SNX24: variants seen among roughly 807,000 people sequenced by gnomAD.
The protein encoded by SNX24 is sorting nexin 24.
Under a neutral mutation model 28.7 loss-of-function variants are expected in SNX24, and 22 were observed. The ratio of observed to expected loss-of-function variants is 0.77; its 90% confidence interval spans 0.55 to 1.10. The LOEUF is 1.10. SNX24 is among the 50% of genes least tolerant of loss of function. The pLI is 0.00. For missense variants in SNX24, 221 were observed against 201.1 expected (o/e 1.10, Z -0.60); for synonymous variants, 69 against 71.5 (o/e 0.96, Z 0.18).
At chr5:122,863,729 A>AT (rs970416915) in intron 1 of SNX24, among the ~76,000 whole-genome samples, 1 of 151,638 alleles carries the variant, frequency 6.6e-6, no homozygotes, top group African/African-American at 2.4e-5. Flanking sequence ...CTAATTTTTT[A>AT]TTTTTTGTAG....
intron 5 of SNX24, chr5:123,023,899 A>C: frequency 6.2e-7 from 1 of 1,613,906 alleles, no homozygotes; most frequent in Non-Finnish European, 8.5e-7. Flanking sequence ...TCTCAACCAC[A>C]AAAGGCGTTT....
At chr5:123,020,814 C>G (rs930259649) in intron 5 of SNX24, among the ~76,000 whole-genome samples, 1 of 152,228 alleles carries the variant, frequency 6.6e-6, no homozygotes, top group Admixed American at 6.5e-5. Context: ...TCTGTGCTGG[C>G]TTCGCTCTTA....
At chr5:122,874,474 C>T (rs1756135180) in intron 1 of SNX24, among the ~76,000 whole-genome samples, 1 of 152,166 alleles carries the variant, frequency 6.6e-6, no homozygotes, top group Admixed American at 6.5e-5. Flanking sequence ...AGCATGCTTC[C>T]TTGTTGTCTA....
intron 1 of SNX24, among the ~76,000 whole-genome samples, chr5:122,879,424 A>G (rs1156935757): frequency 6.6e-6 from 1 of 152,194 alleles, no homozygotes; most frequent in African/African-American, 2.4e-5. Context: ...CACTGTCAAC[A>G]TGAGTTCTCT....
intron 3 of SNX24, among the ~76,000 whole-genome samples, chr5:122,970,600 C>A (rs2150146907): frequency 6.6e-6 from 1 of 152,316 alleles, no homozygotes; most frequent in South Asian, 2.1e-4. Context: ...TCCCGAGTAG[C>A]TGGGACTACA....
intron 1 of SNX24, among the ~76,000 whole-genome samples, chr5:122,923,157 C>T (rs1031564877): frequency 1.3e-5 from 2 of 151,814 alleles, no homozygotes; most frequent in Non-Finnish European, 2.9e-5. Context: ...AAATCAAGAC[C>T]TCATCTCTAC....
At chr5:122,989,957 T>TG (rs533149069) in intron 3 of SNX24, among the ~76,000 whole-genome samples, 45 of 152,370 alleles carry the variant, frequency 3.0e-4, no homozygotes, top group Middle Eastern at 3.4e-3. Flanking sequence ...TTCTTGCTAT[T>TG]GTGTTCTGTC....
chr5:122,913,685 T>A (rs246301), intron 1 of SNX24, among the ~76,000 whole-genome samples: 2 of 151,190 alleles, frequency 1.3e-5, no homozygotes, highest in African/African-American at 4.9e-5. Context: ...GGGCAGAGAC[T>A]CTCCTCACTT....
downstream of SNX24, among the ~76,000 whole-genome samples, chr5:123,013,790 GA>G (rs1762634740): frequency 6.6e-6 from 1 of 152,000 alleles, no homozygotes; most frequent in African/African-American, 2.4e-5. Context: ...ATACTCCTAT[GA>G]ACTCCTATGT....
chr5:122,845,713 G>T lies in SNX24; in HGVS notation c.60+20G>T. Reference sequence around the variant, plus strand: ...TACACGGTAGGCGCGGGCCGCGGGCGGACAGGGCCCCGCGAGCCAGGCCTG... The same window carrying T: ...TACACGGTAGGCGCGGGCCGCGGGCTGACAGGGCCCCGCGAGCCAGGCCTG... On this transcript the variant is annotated intron_variant, in intron 1 of 6. Transcript: ENST00000261369. 7.4e-7 allele frequency: 1 copy of T among 1,351,818 alleles called. No homozygotes were observed. Among genetic ancestry groups the T allele is most frequent in the East Asian group, 2.8e-5 (1 of 35,400 alleles). 83.7% of individuals were successfully genotyped at this position (1,351,818 alleles called of 1,614,324 possible).
intron 1 of SNX24, among the ~76,000 whole-genome samples, chr5:122,895,685 G>A (rs1757168941): frequency 6.6e-6 from 1 of 152,222 alleles, no homozygotes; most frequent in African/African-American, 2.4e-5. Context: ...CGTGCCCTGT[G>A]TCAGCAGTCG....
intron 3 of SNX24, among the ~76,000 whole-genome samples, chr5:122,963,271 G>A (rs527252201): frequency 6.6e-6 from 1 of 152,128 alleles, no homozygotes; most frequent in Non-Finnish European, 1.5e-5. Flanking sequence ...TCTAGAGCTG[G>A]CCATGCTGTT....
intron 3 of SNX24, among the ~76,000 whole-genome samples, chr5:122,993,948 T>C (rs549653785): frequency 3.7e-4 from 56 of 152,354 alleles, no homozygotes; most frequent in Middle Eastern, 6.8e-3. Flanking sequence ...TAAAGTGCTC[T>C]TGTAAACCTC....
At chr5:122,976,223 A>T (rs1324722829) in intron 3 of SNX24, among the ~76,000 whole-genome samples, 1 of 151,002 alleles carries the variant, frequency 6.6e-6, no homozygotes, top group Non-Finnish European at 1.5e-5. Flanking sequence ...TTGTCTTCTG[A>T]TCAGTAACAT....
At chr5:122,853,115 CTTTTTTT>C (rs10530519) in intron 1 of SNX24, among the ~76,000 whole-genome samples, 1 of 71,588 alleles carries the variant, frequency 1.4e-5, no homozygotes, top group Non-Finnish European at 2.5e-5. Context: ...GTTCTTTAGC[CTTTTTTT>C]TTTTTTTTTT....
chr5:122,976,994 C>T (rs1025738062), intron 3 of SNX24, among the ~76,000 whole-genome samples: 5 of 151,704 alleles, frequency 3.3e-5, no homozygotes, highest in African/African-American at 1.2e-4. Flanking sequence ...TTTTCTTATC[C>T]ACATTACCAT....
intron 3 of SNX24, among the ~76,000 whole-genome samples, chr5:122,959,816 A>G (rs1056848298): frequency 6.6e-6 from 1 of 152,108 alleles, no homozygotes; most frequent in African/African-American, 2.4e-5. Flanking sequence ...GACACACACG[A>G]GGAGTTAGGA....
intron 3 of SNX24, among the ~76,000 whole-genome samples, chr5:122,993,939 A>G (rs894387991): frequency 3.3e-5 from 5 of 152,236 alleles, no homozygotes; most frequent in African/African-American, 1.2e-4. Flanking sequence ...GAAAGAGCTT[A>G]AAGTGCTCTT....
Position 122,957,192 on chromosome 5 carries a change from A to G in SNX24, c.249+11033A>G, listed in dbSNP as rs188052866. Among the ~76,000 whole-genome samples the G allele has an allele frequency of 3.6e-3, 549 of 152,274 alleles. 3 individuals carry two copies. The highest frequency in any genetic ancestry group is 5.5e-3 in the Non-Finnish European group (374 of 68,028). On this transcript the variant is annotated intron_variant, in intron 3 of 6. Transcript: ENST00000261369. Reference sequence around the variant, plus strand: ...GGATCCATTTTGAGTTAATTTTTGCATATGATGTTAGGTAAGGATCCAGTT... The same window carrying G: ...GGATCCATTTTGAGTTAATTTTTGCGTATGATGTTAGGTAAGGATCCAGTT...
Sources: gnomAD v4.1 joint callset for allele counts (sites outside exome capture counted in the v4.1 genomes callset) on GRCh38, gnomAD v4.1.1 for gene constraint, MANE v1.5 for transcripts, NCBI Gene and HGNC (gene_info 2026-07-23, HGNC 2026-07-21) for gene names.